PPM1D: variants seen among roughly 807,000 people sequenced by gnomAD.
PPM1D encodes the protein protein phosphatase 1D.
PPM1D carries 52 observed loss-of-function variants against 58.3 expected under a neutral mutation model. The observed-to-expected ratio is 0.89, with a 90% CI of 0.71 to 1.12. The LOEUF is 1.12. Ranked by LOEUF, PPM1D falls within the 50% of genes most tolerant of loss-of-function variation. PPM1D has a pLI of 0.00. For synonymous variants in PPM1D, 278 were observed against 285.1 expected (o/e 0.98, Z 0.25); for missense variants, 564 against 777.2 (o/e 0.73, Z 3.26).
At position 60,600,292 on chromosome 17, in the gene PPM1D, G is replaced by T; in HGVS notation, c.-123G>T. On this transcript the variant is annotated 5_prime_UTR_variant, in exon 1 of 6. Coordinates refer to ENST00000305921, the MANE Select transcript of PPM1D (RefSeq NM_003620.4). ...CGCGCGCCCCCCCTTCTCCGGGTCC[G>T]CCCCCTCCCCCTTCTCGGCGTCGTC... The T allele has an allele frequency of 6.9e-7, 1 of 1,444,278 alleles. No individual in the cohort carries two copies. Among genetic ancestry groups the T allele is most frequent in the African/African-American group, 1.5e-5 (1 of 67,906 alleles). 89.5% of individuals were successfully genotyped at this position (1,444,278 alleles called of 1,614,324 possible).
chr17:60,625,349 A>T (rs756052517), intron 2 of PPM1D, among the ~76,000 whole-genome samples: 20 of 152,210 alleles, frequency 1.3e-4, no homozygotes, highest in Non-Finnish European at 2.5e-4. Context: ...TTTTTATTGA[A>T]ATGGTTACCT....
intron 1 of PPM1D, among the ~76,000 whole-genome samples, chr17:60,617,890 G>A (rs540674356): frequency 6.6e-6 from 1 of 152,286 alleles, no homozygotes; most frequent in African/African-American, 2.4e-5. Flanking sequence ...GCAGATATCT[G>A]TATGTCCTTT....
chr17:60,649,689 CA>C (rs960643297), intron 4 of PPM1D, among the ~76,000 whole-genome samples: 11 of 141,252 alleles, frequency 7.8e-5, no homozygotes, highest in African/African-American at 1.6e-4. Flanking sequence ...AACTCTGTCT[CA>C]AAAAAAAAAA....
intron 1 of PPM1D, among the ~76,000 whole-genome samples, chr17:60,609,825 A>G (rs528998259): frequency 2.5e-4 from 38 of 152,312 alleles, no homozygotes; most frequent in Non-Finnish European, 2.6e-4. Flanking sequence ...TACTTGTTTT[A>G]TTTTATTAAT....
Position 60,663,526 on chromosome 17 carries a change from C to T in PPM1D, c.1792C>T (p.His598Tyr), listed in dbSNP as rs2031569417. 1 of 1,610,132 alleles carries T rather than the reference C, an allele frequency of 6.2e-7. No homozygotes were observed. ...AATTGGAAATCCTTTACTTCATCAA[C>T]ACAGGAAAACTGTTTGTGTTTGCTG... ...KKIGNPLLHQHRKTVCVC is the reference protein window; with the variant it reads ...KKIGNPLLHQYRKTVCVC The change falls in exon 6 of 6, where the codon CAC (histidine) becomes TAC (tyrosine). Residue 598 changes from histidine (H) to tyrosine (Y), a missense_variant. By Grantham distance (83) the His-to-Tyr change is moderately conservative. Around this residue, in one of 7 missense-constraint regions of PPM1D, gnomAD observed 261 missense variants for 270.1 expected, o/e 0.97. Coordinates refer to ENST00000305921, the MANE Select transcript of PPM1D (RefSeq NM_003620.4).
At chr17:60,616,446 A>G (rs1235428788) in intron 1 of PPM1D, among the ~76,000 whole-genome samples, 2 of 151,996 alleles carry the variant, frequency 1.3e-5, no homozygotes, top group African/African-American at 4.8e-5. Flanking sequence ...CGTCTCTACT[A>G]AAAATACAAA....
At chr17:60,612,500 G>T (rs2030479298) in intron 1 of PPM1D, among the ~76,000 whole-genome samples, 1 of 152,040 alleles carries the variant, frequency 6.6e-6, no homozygotes, top group African/African-American at 2.4e-5. Context: ...GATTTTGATG[G>T]GATCGTAGTT....
At chr17:60,602,100 G>A (rs2030226764) in intron 1 of PPM1D, among the ~76,000 whole-genome samples, 1 of 152,232 alleles carries the variant, frequency 6.6e-6, no homozygotes, top group Admixed American at 6.5e-5. Context: ...TCTGCCAAGA[G>A]TTAGTTGATT....
intron 1 of PPM1D, among the ~76,000 whole-genome samples, chr17:60,613,781 C>T (rs550815171): frequency 5.2e-4 from 79 of 152,300 alleles, no homozygotes; most frequent in African/African-American, 1.9e-3. Flanking sequence ...GAGGGTGCGC[C>T]GGGTCCCCCA....
chr17:60,626,464 G>A (rs1475407809), intron 2 of PPM1D, among the ~76,000 whole-genome samples: 2 of 150,486 alleles, frequency 1.3e-5, no homozygotes, highest in African/African-American at 2.4e-5. Context: ...GCGCGATCTC[G>A]GCTCACTGCA....
rs534598811 is a variant in PPM1D, at chr17:60,632,308, C to T, written c.702-1545C>T. Among the ~76,000 whole-genome samples, 26 of 152,286 alleles carry T rather than the reference C, an allele frequency of 1.7e-4. 1 individual carries two copies. The highest frequency in any genetic ancestry group is 3.9e-4 in the East Asian group (2 of 5,190). On this transcript the variant is annotated intron_variant, in intron 2 of 5. Coordinates refer to ENST00000305921, the MANE Select transcript of PPM1D (RefSeq NM_003620.4). ...TGTAACTCCCAAATCTATATGTCTA[C>T]AGCTGATCTATTTCACAAAGTCTAG... is the stretch of plus-strand genomic sequence containing the variant.
chr17:60,646,114 C>A (rs1003974298), intron 3 of PPM1D, among the ~76,000 whole-genome samples: 1 of 152,138 alleles, frequency 6.6e-6, no homozygotes, highest in Non-Finnish European at 1.5e-5. Flanking sequence ...TCCCCATGTT[C>A]ATTTTTATTA....
Position 60,600,730 on chromosome 17 carries a change from G to C in PPM1D, c.316G>C (p.Gly106Arg), listed in dbSNP as rs996386095. 1 of 1,610,176 alleles carries C rather than the reference G, an allele frequency of 6.2e-7. No individual in the cohort carries two copies. The highest frequency in any genetic ancestry group is 1.3e-5 in the African/African-American group (1 of 74,562). ...CGTGGCCTTTTTCGCCGTGTGCGACGGGCACGGCGGGCGGGAGGCGGCACA... is the reference window on the plus strand; with the variant it reads ...CGTGGCCTTTTTCGCCGTGTGCGACCGGCACGGCGGGCGGGAGGCGGCACA... ...SSVAFFAVCDGHGGREAAQFA... is the reference protein window; with the variant it reads ...SSVAFFAVCDRHGGREAAQFA... Residue 106 changes from glycine (G) to arginine (R), a missense_variant, in exon 1 of 6, where the codon GGG becomes CGG. Physicochemically the swap from Gly to Arg is moderately radical, Grantham distance 125. Transcript: ENST00000305921.
At chr17:60,651,084 G>A (rs2031334684) in intron 4 of PPM1D, among the ~76,000 whole-genome samples, 1 of 152,172 alleles carries the variant, frequency 6.6e-6, no homozygotes, top group Non-Finnish European at 1.5e-5. Context: ...ACAATATTAG[G>A]GGGACTCAAG....
chr17:60,648,222 G>A (rs976611979), intron 4 of PPM1D, 140 bp downstream of exon 4: 3 of 790,256 alleles, frequency 3.8e-6, no homozygotes, highest in Non-Finnish European at 5.8e-6. Context: ...GTAAAACATA[G>A]GCTTTGTAGC....
intron 2 of PPM1D, among the ~76,000 whole-genome samples, chr17:60,630,563 C>T (rs2030900705): frequency 6.6e-6 from 1 of 152,126 alleles, no homozygotes; most frequent in Non-Finnish European, 1.5e-5. Context: ...GCGTGTCAGG[C>T]TGTTCCTTTT....
chr17:60,665,527 C>T lies in PPM1D; in HGVS notation c.*1975C>T, dbSNP rs374108691. On this transcript the variant is annotated 3_prime_UTR_variant, in exon 6 of 6. Coordinates refer to ENST00000305921, the MANE Select transcript of PPM1D (RefSeq NM_003620.4). ...CCAGCCAACTATGCCATTATTTAAC[C>T]ATGTCCACACATTCTGGTTATTTTC... 7 of 152,340 alleles carry T rather than the reference C, an allele frequency of 4.6e-5. No homozygotes were observed. The East Asian group carries it at 1.2e-3, about 25-fold the overall frequency. 9.4% of individuals were successfully genotyped at this position (152,340 alleles called of 1,614,324 possible).
chr17:60,644,573 T>C (rs1241634059), intron 3 of PPM1D, among the ~76,000 whole-genome samples: 1 of 152,254 alleles, frequency 6.6e-6, no homozygotes, highest in African/African-American at 2.4e-5. Flanking sequence ...AACATCCTCA[T>C]GCTTAGGAGA....
intron 3 of PPM1D, among the ~76,000 whole-genome samples, chr17:60,645,135 C>T (rs570365658): frequency 5.1e-4 from 77 of 152,210 alleles, no homozygotes; most frequent in Admixed American, 2.9e-3. Context: ...GTACAGATCA[C>T]CTGAGGTCAG....
Sources: allele counts gnomAD v4.1 joint callset (sites outside exome capture counted in the v4.1 genomes callset), GRCh38; gene constraint gnomAD v4.1.1; regional missense constraint gnomAD v4.1.1; transcripts MANE v1.5; gene names NCBI Gene and HGNC (gene_info 2026-07-23, HGNC 2026-07-21).